NUP210L: variants seen among roughly 807,000 people sequenced by gnomAD.
The protein encoded by NUP210L is nucleoporin 210 like.
NUP210L carries 74 observed loss-of-function variants against 208.5 expected under a neutral mutation model. The ratio of observed to expected loss-of-function variants is 0.35; its 90% CI spans 0.29 to 0.43. NUP210L has a LOEUF of 0.43. NUP210L is among the 20% of genes least tolerant of loss of function. The pLI, the probability that NUP210L is intolerant of heterozygous loss-of-function variation, is 1.00. For missense variants in NUP210L, 1,843 were observed against 2,289.4 expected (o/e 0.81, Z 3.98); for synonymous variants, 780 against 816.9 (o/e 0.95, Z 0.77).
intron 17 of NUP210L, among the ~76,000 whole-genome samples, chr1:154,068,873 C>A (rs1174659116): frequency 6.6e-6 from 1 of 151,886 alleles, no homozygotes; most frequent in Non-Finnish European, 1.5e-5. Flanking sequence ...ATACCTAATG[C>A]CAAATGACGA....
At chr1:154,110,522 G>T (rs560447506) in intron 12 of NUP210L, among the ~76,000 whole-genome samples, 1 of 151,114 alleles carries the variant, frequency 6.6e-6, no homozygotes, top group Non-Finnish European at 1.5e-5. Flanking sequence ...CACCTGCCTC[G>T]GCCTCCCAAA....
At chr1:154,009,067 G>A (rs373158676) in intron 35 of NUP210L, among the ~76,000 whole-genome samples, 6 of 151,914 alleles carry the variant, frequency 3.9e-5, no homozygotes, top group Admixed American at 1.3e-4. Flanking sequence ...CTCCCACCAC[G>A]CCTGGCTAAT....
intron 17 of NUP210L, among the ~76,000 whole-genome samples, chr1:154,070,065 G>A (rs1031357139): frequency 2.0e-5 from 3 of 152,140 alleles, no homozygotes; most frequent in South Asian, 2.1e-4. Context: ...GTGCGGGGAT[G>A]GGGGAGAGAT....
chr1:154,111,952 G>C (rs370106657), intron 12 of NUP210L, among the ~76,000 whole-genome samples: 4 of 151,254 alleles, frequency 2.6e-5, no homozygotes, highest in East Asian at 1.9e-4. Context: ...TTTTCAGATG[G>C]AGTCTCACTC....
At chr1:154,034,827 G>GTC (rs199575940) in intron 27 of NUP210L, among the ~76,000 whole-genome samples, 8 of 146,162 alleles carry the variant, frequency 5.5e-5, no homozygotes, top group East Asian at 2.0e-4. Context: ...TGGTTGTAAT[G>GTC]TCTCTCTCTC....
chr1:154,052,928 G>A (rs1044103853), intron 25 of NUP210L, among the ~76,000 whole-genome samples: 4 of 152,214 alleles, frequency 2.6e-5, no homozygotes, highest in Non-Finnish European at 5.9e-5. Context: ...ATGGTCAGAT[G>A]GTAGAAATGA....
intron 16 of NUP210L, among the ~76,000 whole-genome samples, chr1:154,087,263 T>C (rs527719798): frequency 7.1e-6 from 1 of 141,024 alleles, no homozygotes; most frequent in South Asian, 2.2e-4. Context: ...GAGGTTGCAG[T>C]GAGCTGAGAT....
chr1:153,999,830 CT>C (rs757776667), intron 37 of NUP210L, among the ~76,000 whole-genome samples: 295 of 138,752 alleles, frequency 2.1e-3, no homozygotes, highest in Non-Finnish European at 2.0e-3. Context: ...ATTCTTTTTC[CT>C]TTTTTTTTTT....
At chr1:154,007,468 G>A (rs1650630698) in intron 35 of NUP210L, among the ~76,000 whole-genome samples, 1 of 151,852 alleles carries the variant, frequency 6.6e-6, no homozygotes, top group Non-Finnish European at 1.5e-5. Context: ...CTCCATGTTG[G>A]TGAGGCTGGT....
intron 20 of NUP210L, among the ~76,000 whole-genome samples, chr1:154,059,200 C>A (rs1271406806): frequency 1.3e-5 from 2 of 151,894 alleles, no homozygotes; most frequent in Non-Finnish European, 2.9e-5. Flanking sequence ...TAGCTGGGCA[C>A]GGTGGTCCGT....
exon 9 of NUP210L, chr1:154,127,364 C>T: frequency 6.2e-7 from 1 of 1,608,600 alleles, no homozygotes; most frequent in Admixed American, 1.7e-5. Context: ...ACTGTAATGA[C>T]ATATACCTGT....
chr1:154,139,954 T>G lies in NUP210L; in HGVS notation c.567-2A>C, dbSNP rs1238363800. On this transcript the variant is annotated splice_acceptor_variant, in intron 4 of 39. Transcript: ENST00000368559. LOFTEE classifies it high-confidence loss of function. ...TCTGCTTCGGAGTATTTAAGAATCC[T>G]AAAGACATAAAATAAAATGTGTTTC... is the stretch of plus-strand genomic sequence containing the variant. 1 of 1,600,152 alleles carries G rather than the reference T, an allele frequency of 6.2e-7. No individual in the cohort carries two copies. Among genetic ancestry groups the G allele is most frequent in the Non-Finnish European group, 8.5e-7 (1 of 1,171,438 alleles).
chr1:153,996,615 G>T (rs1441109554), intron 37 of NUP210L, among the ~76,000 whole-genome samples: 2 of 151,978 alleles, frequency 1.3e-5, no homozygotes, highest in East Asian at 3.9e-4. Context: ...AGGGATGAGT[G>T]TCACCATTTT....
intron 12 of NUP210L, among the ~76,000 whole-genome samples, chr1:154,106,494 C>T (rs1379808058): frequency 6.6e-6 from 1 of 152,166 alleles, no homozygotes; most frequent in African/African-American, 2.4e-5. Context: ...CTGTACAGTC[C>T]TTGGGCCTTG....
chr1:154,010,251 G>A (rs1650830709), intron 34 of NUP210L, 130 bp from the exon 35 acceptor site: 5 of 726,420 alleles, frequency 6.9e-6, no homozygotes, highest in Admixed American at 3.0e-5. Flanking sequence ...TGGCTGGTTT[G>A]CCCACCTCTG....
intron 33 of NUP210L, 145 bp downstream of exon 33, chr1:154,018,788 T>C: frequency 1.2e-6 from 1 of 859,846 alleles, no homozygotes; most frequent in East Asian, 2.5e-5. Flanking sequence ...ACTGTTTAGC[T>C]TTGTGTTCCA....
At position 154,058,031 on chromosome 1, in the gene NUP210L, T is replaced by C. The variant is rs1204591334; in HGVS notation, c.3107+58A>G. On this transcript the variant is annotated intron_variant, in intron 22 of 39. Coordinates refer to ENST00000368559, the Ensembl canonical transcript of NUP210L. ...GGTAAGGGAAAGCTGACCAGGTCACTAGGAGGGAGAGTCTTATGATATGCA... is the reference window on the plus strand; with the variant it reads ...GGTAAGGGAAAGCTGACCAGGTCACCAGGAGGGAGAGTCTTATGATATGCA... 16 of 1,587,112 alleles carry C rather than the reference T, an allele frequency of 1.0e-5. No individual in the cohort carries two copies. In the South Asian group the frequency reaches 1.2e-4, roughly 12 times the overall value.
At chr1:154,071,901 G>T (rs1378535640) in intron 16 of NUP210L, among the ~76,000 whole-genome samples, 1 of 151,844 alleles carries the variant, frequency 6.6e-6, no homozygotes, top group Non-Finnish European at 1.5e-5. Flanking sequence ...CTCCCAAAGC[G>T]CTGAGATTAC....
intron 10 of NUP210L, among the ~76,000 whole-genome samples, chr1:154,124,605 G>A (rs1657786507): frequency 6.6e-6 from 1 of 152,128 alleles, no homozygotes; most frequent in Non-Finnish European, 1.5e-5. Context: ...TTCAATGTTT[G>A]GGGCATGGGT....
Sources: gnomAD v4.1 joint callset for allele counts (sites outside exome capture counted in the v4.1 genomes callset) on GRCh38, gnomAD v4.1.1 for gene constraint, MANE v1.5 for transcripts, NCBI Gene and HGNC (gene_info 2026-07-23, HGNC 2026-07-21) for gene names.